MGAT4C: variants seen among roughly 807,000 people sequenced by gnomAD.
The protein encoded by MGAT4C is MGAT4 family member C.
In MGAT4C, 19 loss-of-function variants were observed where a neutral mutation model predicts 40.1. The ratio of observed to expected loss-of-function variants is 0.47; its 90% CI spans 0.33 to 0.70. The LOEUF (loss-of-function observed/expected upper bound fraction) is 0.70. MGAT4C is among the 30% of genes least tolerant of loss of function. MGAT4C has a pLI of 0.02. For missense variants in MGAT4C, 491 were observed against 563.2 expected, an observed-to-expected ratio of 0.87 and a Z score of 1.30; for synonymous variants, 181 against 187.1, an observed-to-expected ratio of 0.97 and a Z score of 0.27.
intron 2 of MGAT4C, among the ~76,000 whole-genome samples, chr12:86,048,554 C>T (rs1892620797): frequency 6.6e-6 from 1 of 151,378 alleles, no homozygotes; most frequent in Admixed American, 6.6e-5. Context: ...AATCAGTGAA[C>T]TGGATATAGA....
At chr12:86,346,854 A>G (rs928222063) in intron 3 of MGAT4C, among the ~76,000 whole-genome samples, 1 of 152,176 alleles carries the variant, frequency 6.6e-6, no homozygotes, top group African/African-American at 2.4e-5. Context: ...GGGCTAGAAA[A>G]TGTACGTGGA....
At chr12:86,169,100 T>C (rs1210472348) in intron 1 of MGAT4C, among the ~76,000 whole-genome samples, 2 of 152,130 alleles carry the variant, frequency 1.3e-5, no homozygotes, top group African/African-American at 2.4e-5. Context: ...TCTTATTATC[T>C]GAGTATCTTA....
At chr12:86,610,263 A>G (rs1962200479) in intron 2 of MGAT4C, among the ~76,000 whole-genome samples, 1 of 152,174 alleles carries the variant, frequency 6.6e-6, no homozygotes, top group Admixed American at 6.5e-5. Context: ...AAAATGCTGA[A>G]GAGTTCTTGA....
At chr12:86,692,643 T>G (rs1950190607) in intron 2 of MGAT4C, among the ~76,000 whole-genome samples, 1 of 152,164 alleles carries the variant, frequency 6.6e-6, no homozygotes, top group African/African-American at 2.4e-5. Context: ...AGATTACCAT[T>G]CTACATACCA....
At chr12:86,522,474 T>A (rs1958812378) in intron 2 of MGAT4C, among the ~76,000 whole-genome samples, 1 of 152,176 alleles carries the variant, frequency 6.6e-6, no homozygotes, top group South Asian at 2.1e-4. Flanking sequence ...GTAGATAAGA[T>A]TTTTGATGTG....
At chr12:86,594,563 G>A (rs1279227833) in intron 2 of MGAT4C, among the ~76,000 whole-genome samples, 3 of 152,176 alleles carry the variant, frequency 2.0e-5, no homozygotes, top group African/African-American at 7.2e-5. Context: ...AAGAAAAACT[G>A]CTGAGAAGAA....
chr12:86,028,183 A>T (rs1264630258), intron 2 of MGAT4C: 1 of 1,287,822 alleles, frequency 7.8e-7, no homozygotes. Flanking sequence ...CTTCCCAAGC[A>T]TGAGACGTTC....
At chr12:86,188,103 A>G (rs1270338739) in intron 1 of MGAT4C, among the ~76,000 whole-genome samples, 1 of 151,960 alleles carries the variant, frequency 6.6e-6, no homozygotes, top group Non-Finnish European at 1.5e-5. Flanking sequence ...TTCTGCTATG[A>G]TTTTTCTGCT....
At chr12:86,537,183 G>A (rs1017293155) in intron 2 of MGAT4C, among the ~76,000 whole-genome samples, 10 of 151,818 alleles carry the variant, frequency 6.6e-5, no homozygotes, top group Non-Finnish European at 1.5e-4. Flanking sequence ...AGAACACATG[G>A]ACACAGGAAG....
chr12:86,500,901 C>A (rs1292737192), intron 2 of MGAT4C, among the ~76,000 whole-genome samples: 3 of 151,970 alleles, frequency 2.0e-5, no homozygotes. Context: ...TGAATGTAAT[C>A]TTAGTTTATC....
intron 2 of MGAT4C, among the ~76,000 whole-genome samples, chr12:86,453,849 A>T (rs1448109723): frequency 1.3e-5 from 2 of 152,100 alleles, no homozygotes; most frequent in Non-Finnish European, 2.9e-5. Context: ...GACTGTGGGT[A>T]TATGCAGCTT....
At chr12:86,403,523 C>A (rs541361187) in intron 3 of MGAT4C, among the ~76,000 whole-genome samples, 1 of 152,238 alleles carries the variant, frequency 6.6e-6, no homozygotes, top group Admixed American at 6.5e-5. Context: ...ACATCTCATT[C>A]ATTTTAGAAA....
At chr12:86,152,203 G>A (rs1172304954) in intron 1 of MGAT4C, among the ~76,000 whole-genome samples, 1 of 152,158 alleles carries the variant, frequency 6.6e-6, no homozygotes, top group Non-Finnish European at 1.5e-5. Context: ...TAGTCTGTTT[G>A]TGCTGCTATA....
At chr12:86,175,863 C>T (rs780737145) in intron 1 of MGAT4C, among the ~76,000 whole-genome samples, 124 of 150,414 alleles carry the variant, frequency 8.2e-4, no homozygotes, top group Non-Finnish European at 7.4e-4. Flanking sequence ...TCCAGCTACT[C>T]GGGAGGCTGA....
chr12:86,305,088 G>C (rs1953902167), intron 4 of MGAT4C, among the ~76,000 whole-genome samples: 1 of 150,628 alleles, frequency 6.6e-6, no homozygotes, highest in African/African-American at 2.5e-5. Context: ...ATTTAAATTA[G>C]GTTTGGTTTA....
At chr12:86,418,350 C>T (rs1321414350) in intron 3 of MGAT4C, among the ~76,000 whole-genome samples, 1 of 152,036 alleles carries the variant, frequency 6.6e-6, no homozygotes, top group Non-Finnish European at 1.5e-5. Flanking sequence ...TGCCTATAAT[C>T]CCAACACTTT....
intron 2 of MGAT4C, among the ~76,000 whole-genome samples, chr12:86,708,289 G>T (rs530219003): frequency 4.6e-4 from 70 of 152,218 alleles, no homozygotes; most frequent in Non-Finnish European, 8.4e-4. Context: ...GCTTCCAAGT[G>T]GTGTGGAGCC....
intron 1 of MGAT4C, among the ~76,000 whole-genome samples, chr12:86,755,680 T>A (rs1002170496): frequency 1.3e-5 from 2 of 151,512 alleles, no homozygotes; most frequent in African/African-American, 4.9e-5. Context: ...AGGGTCTCAC[T>A]CTGGTTACCC....
chr12:86,103,103 G>T (rs1875423544), intron 1 of MGAT4C, among the ~76,000 whole-genome samples: 1 of 152,088 alleles, frequency 6.6e-6, no homozygotes, highest in East Asian at 1.9e-4. Context: ...TCCATATTCT[G>T]ATTGGAGATA....
Sources: gnomAD v4.1 joint callset for allele counts (sites outside exome capture counted in the v4.1 genomes callset) on GRCh38, gnomAD v4.1.1 for gene constraint, MANE v1.5 for transcripts, NCBI Gene and HGNC (gene_info 2026-07-23, HGNC 2026-07-21) for gene names.